PRELID2: variants seen among roughly 807,000 people sequenced by gnomAD.
The protein encoded by PRELID2 is PRELI domain-containing protein 2.
In PRELID2, 25 loss-of-function variants were observed where a neutral mutation model predicts 28.4. The ratio of observed to expected loss-of-function variants is 0.88; its 90% CI spans 0.64 to 1.23. The LOEUF is 1.23. PRELID2 is among the 50% of genes most tolerant of loss of function. PRELID2 has a pLI of 0.00. For synonymous variants in PRELID2, 76 were observed against 71.6 expected, an observed-to-expected ratio of 1.06 and a Z score of -0.31; for missense variants, 201 against 214.4, an observed-to-expected ratio of 0.94 and a Z score of 0.39.
chr5:145,613,381 G>C (rs1390691188), intron 1 of PRELID2, among the ~76,000 whole-genome samples: 3 of 151,086 alleles, frequency 2.0e-5, no homozygotes, highest in African/African-American at 7.3e-5. Flanking sequence ...TGCCATGTTG[G>C]TGTGCTGCAC....
At chr5:145,247,017 T>C in the PRELID2 span, among the ~76,000 whole-genome samples, 1 of 152,176 alleles carries the variant, frequency 6.6e-6, no homozygotes, top group Non-Finnish European at 1.5e-5. Context: ...AGTCTGAACC[T>C]CCCAAATTGC....
At chr5:145,449,439 A>T in the PRELID2 span, among the ~76,000 whole-genome samples, 3 of 151,974 alleles carry the variant, frequency 2.0e-5, no homozygotes, top group Non-Finnish European at 2.9e-5. Flanking sequence ...ACTCCCCTCA[A>T]TGTTCAGATG....
chr5:145,360,110 T>C, the PRELID2 span, among the ~76,000 whole-genome samples: 1 of 152,144 alleles, frequency 6.6e-6, no homozygotes, highest in Non-Finnish European at 1.5e-5. Context: ...GCCACACTCC[T>C]GTGGGTCCTC....
At chr5:145,254,163 A>C in the PRELID2 span, among the ~76,000 whole-genome samples, 3 of 152,174 alleles carry the variant, frequency 2.0e-5, no homozygotes, top group African/African-American at 7.2e-5. Context: ...TACAAAATTC[A>C]TGAATAATGA....
chr5:145,620,156 T>C (rs895425574), intron 1 of PRELID2, among the ~76,000 whole-genome samples: 1 of 152,226 alleles, frequency 6.6e-6, no homozygotes, highest in African/African-American at 2.4e-5. Context: ...TTATTTGTAG[T>C]CGCCCTAAAT....
chr5:145,817,421 T>TTATATATATATATTTTTATA (rs1554099436), intron 4 of PRELID2, among the ~76,000 whole-genome samples: 26 of 103,604 alleles, frequency 2.5e-4, no homozygotes, highest in African/African-American at 4.0e-4. Flanking sequence ...TAAGCTAGTT[T>TTATATATATATATTTTTATA]TATATATATA....
intron 1 of PRELID2, among the ~76,000 whole-genome samples, chr5:145,481,623 C>CAACAAAAA (rs1752160271): frequency 2.4e-5 from 1 of 41,862 alleles, no homozygotes; most frequent in African/African-American, 1.2e-4. Context: ...GCAAGGAAAT[C>CAACAAAAA]AAAAAAAAAA....
chr5:145,772,546 C>T (rs1758174142), intron 5 of PRELID2, among the ~76,000 whole-genome samples: 1 of 152,176 alleles, frequency 6.6e-6, no homozygotes. Flanking sequence ...TGGCAGAAGG[C>T]ACCACTTGGC....
In PRELID2 at chr5:145,807,961, T is replaced by C. The variant is rs151332862; in HGVS notation, c.368+9933A>G. On this transcript the variant is annotated intron_variant, in intron 4 of 6. Coordinates refer to ENST00000683046, the MANE Select transcript of PRELID2 (RefSeq NM_205846.3). ...ACAAACATCAAATGGCAAATGAGTA[T>C]CTTTTGGAGGGCAGTCTTATTAAGC... 4.3e-3 allele frequency among the ~76,000 whole-genome samples: 651 copies of C among 152,204 alleles called. 1 individual carries two copies. Among genetic ancestry groups the C allele is most frequent in the Non-Finnish European group, 7.4e-3 (505 of 68,000 alleles).
intron 1 of PRELID2, among the ~76,000 whole-genome samples, chr5:145,726,653 G>A (rs1756175767): frequency 1.3e-5 from 2 of 152,178 alleles, no homozygotes; most frequent in South Asian, 2.1e-4. Context: ...CTATCTCTGG[G>A]AGAATGGATA....
the PRELID2 span, among the ~76,000 whole-genome samples, chr5:145,455,865 G>C: frequency 6.6e-6 from 1 of 152,282 alleles, no homozygotes; most frequent in South Asian, 2.1e-4. Flanking sequence ...TCCATGGGCT[G>C]CACCCACTGT....
At chr5:145,416,891 T>G in the PRELID2 span, among the ~76,000 whole-genome samples, 2 of 151,454 alleles carry the variant, frequency 1.3e-5, no homozygotes, top group Non-Finnish European at 2.9e-5. Flanking sequence ...CTCATCTGAG[T>G]CAAAGAAAGT....
chr5:145,724,646 T>TATATATAA (rs1756090075), intron 1 of PRELID2, among the ~76,000 whole-genome samples: 3 of 120,104 alleles, frequency 2.5e-5, no homozygotes, highest in Non-Finnish European at 5.3e-5. Context: ...TATATATATA[T>TATATATAA]AATGCCTGTA....
At chr5:145,472,889 T>C (rs1752066546) in intron 2 of PRELID2, among the ~76,000 whole-genome samples, 1 of 152,168 alleles carries the variant, frequency 6.6e-6, no homozygotes, top group African/African-American at 2.4e-5. Context: ...ACAACCTAGA[T>C]TTTCATTAAA....
chr5:145,697,024 A>T (rs1755283977), intron 1 of PRELID2, among the ~76,000 whole-genome samples: 1 of 130,866 alleles, frequency 7.6e-6, no homozygotes, highest in Non-Finnish European at 1.6e-5. Flanking sequence ...TGTAGGAAAG[A>T]GAGGAAAATT....
chr5:145,524,376 G>A (rs1580967637), intron 1 of PRELID2, among the ~76,000 whole-genome samples: 1 of 152,180 alleles, frequency 6.6e-6, no homozygotes. Context: ...CAGCCAGAGC[G>A]CTAGGATTTG....
intron 1 of PRELID2, among the ~76,000 whole-genome samples, chr5:145,578,491 C>T (rs1753081287): frequency 6.6e-6 from 1 of 151,980 alleles, no homozygotes; most frequent in African/African-American, 2.4e-5. Context: ...GGAGAACCAT[C>T]ACAGTCTGTT....
intron 1 of PRELID2, among the ~76,000 whole-genome samples, chr5:145,531,099 C>G (rs561670091): frequency 1.4e-4 from 21 of 152,178 alleles, no homozygotes; most frequent in African/African-American, 4.8e-4. Context: ...ATATTCAACC[C>G]CTGAGAGGGC....
chr5:145,540,533 A>T (rs916597843), intron 1 of PRELID2, among the ~76,000 whole-genome samples: 4 of 151,926 alleles, frequency 2.6e-5, no homozygotes, highest in African/African-American at 9.7e-5. Context: ...TGTGGCACCT[A>T]GGAAGTACGA....
Sources: allele counts gnomAD v4.1 joint callset (sites outside exome capture counted in the v4.1 genomes callset), GRCh38; gene constraint gnomAD v4.1.1; transcripts MANE v1.5; gene names NCBI Gene and HGNC (gene_info 2026-07-23, HGNC 2026-07-21).